Variants in GABRA4 observed in about 807,000 individuals in gnomAD.
GABRA4 encodes gamma-aminobutyric acid type A receptor subunit alpha4.
In GABRA4, 12 loss-of-function variants were observed where a neutral mutation model predicts 49.7. The ratio of observed to expected loss-of-function variants is 0.24; its 90% CI spans 0.15 to 0.39. GABRA4 has a LOEUF of 0.39. GABRA4 is among the 10% of genes least tolerant of loss of function. GABRA4 has a pLI of 1.00. For missense variants in GABRA4, 506 were observed against 686.0 expected, an observed-to-expected ratio of 0.74 and a Z score of 2.93; for synonymous variants, 288 against 240.2, an observed-to-expected ratio of 1.20 and a Z score of -1.84.
chr4:46,941,878 G>T (rs899470768), intron 8 of GABRA4, among the ~76,000 whole-genome samples: 1 of 152,082 alleles, frequency 6.6e-6, no homozygotes, highest in Admixed American at 6.6e-5. Flanking sequence ...TCCTCTGGGG[G>T]TGGTGACTGC....
intron 8 of GABRA4, among the ~76,000 whole-genome samples, chr4:46,958,856 A>T (rs567138385): frequency 1.7e-4 from 26 of 152,000 alleles, no homozygotes; most frequent in Non-Finnish European, 1.8e-4. Context: ...CCAGTGAGTT[A>T]CCCAAAGGTC....
intron 7 of GABRA4, among the ~76,000 whole-genome samples, chr4:46,970,503 A>G (rs999844410): frequency 1.3e-5 from 2 of 151,592 alleles, no homozygotes; most frequent in African/African-American, 4.8e-5. Context: ...TATATTGTTC[A>G]GAATACTATA....
intron 4 of GABRA4, 131 bp downstream of exon 4, chr4:46,977,279 A>AGGAAGGGAGGGT: frequency 2.5e-6 from 1 of 399,442 alleles, no homozygotes; most frequent in African/African-American, 2.6e-5. Flanking sequence ...GAAGGGAAGG[A>AGGAAGGGAGGGT]GGAAGGGAGG....
At chr4:46,933,527 G>A (rs1193876563) in intron 8 of GABRA4, among the ~76,000 whole-genome samples, 1 of 152,150 alleles carries the variant, frequency 6.6e-6, no homozygotes, top group African/African-American at 2.4e-5. Context: ...TCTCTGCCAA[G>A]CAGTTAAATG....
chr4:46,973,043 A>G (rs1410774654), intron 6 of GABRA4, among the ~76,000 whole-genome samples: 1 of 151,790 alleles, frequency 6.6e-6, no homozygotes, highest in Non-Finnish European at 1.5e-5. Context: ...TAGCTGTATG[A>G]CTTAGGCAAA....
chr4:46,987,507 G>A (rs543182888), intron 2 of GABRA4, among the ~76,000 whole-genome samples: 5 of 152,070 alleles, frequency 3.3e-5, no homozygotes, highest in Non-Finnish European at 7.4e-5. Context: ...GCAGGAAATC[G>A]TGCAGTCCTC....
chr4:46,972,328 T>C (rs1233767457), intron 6 of GABRA4, among the ~76,000 whole-genome samples: 4 of 151,696 alleles, frequency 2.6e-5, no homozygotes, highest in Non-Finnish European at 4.4e-5. Flanking sequence ...GCAGTTTTAA[T>C]AGAAGAGACA....
In GABRA4 at chr4:46,923,357, A is replaced by G. The variant is rs980458269; in HGVS notation, c.*4868T>C. 6.6e-6 allele frequency: 1 copy of G among 152,054 alleles called. No homozygotes were observed. The highest frequency in any genetic ancestry group is 2.4e-5 in the African/African-American group (1 of 41,414). The allele number at this position is 152,054 out of a possible 1,614,324, so 9.4% of individuals were successfully genotyped here. ...TTATCTTGAGATAAAAGTCAATTTA[A>G]TTTTTTATTATTTAATGGCAGCATG... is the stretch of plus-strand genomic sequence containing the variant. On this transcript the variant is annotated 3_prime_UTR_variant, in exon 9 of 9. Coordinates refer to ENST00000264318, the MANE Select transcript of GABRA4 (RefSeq NM_000809.4).
chr4:46,955,965 G>T (rs1722346134), intron 8 of GABRA4, among the ~76,000 whole-genome samples: 1 of 152,082 alleles, frequency 6.6e-6, no homozygotes, highest in African/African-American at 2.4e-5. Flanking sequence ...GTAAACACTT[G>T]CTATCTGAGT....
At chr4:46,961,532 A>T (rs1722573422) in intron 8 of GABRA4, among the ~76,000 whole-genome samples, 1 of 151,898 alleles carries the variant, frequency 6.6e-6, no homozygotes, top group South Asian at 2.1e-4. Context: ...CTATCGGCTC[A>T]CAGATTCTAA....
chr4:46,953,140 C>T (rs1722230406), intron 8 of GABRA4, among the ~76,000 whole-genome samples: 1 of 152,062 alleles, frequency 6.6e-6, no homozygotes, highest in Non-Finnish European at 1.5e-5. Context: ...TTAAGCTAGA[C>T]CATAAACATT....
intron 8 of GABRA4, among the ~76,000 whole-genome samples, chr4:46,932,310 T>C (rs562195764): frequency 6.6e-6 from 1 of 152,232 alleles, no homozygotes; most frequent in African/African-American, 2.4e-5. Flanking sequence ...TAGAGAAAAG[T>C]AAGAACAGAA....
At chr4:46,931,557 A>AT (rs1216959363) in intron 8 of GABRA4, among the ~76,000 whole-genome samples, 3 of 152,194 alleles carry the variant, frequency 2.0e-5, no homozygotes, top group South Asian at 4.2e-4. Flanking sequence ...CTGCCTCCAT[A>AT]TTCATGCTCC....
In GABRA4 at chr4:46,928,443, G is replaced by T; in HGVS notation, c.1447C>A (p.Leu483Met). The T allele has an allele frequency of 1.2e-6, 2 of 1,613,660 alleles. No individual in the cohort carries two copies. The highest frequency in any genetic ancestry group is 1.7e-6 in the Non-Finnish European group (2 of 1,179,706). Reference sequence around the variant, plus strand: ...TTAACTGTGGTCTTTATCCTCTGCAGTCTTGATCCAAACACGTGACGAGTA... The same window carrying T: ...TTAACTGTGGTCTTTATCCTCTGCATTCTTGATCCAAACACGTGACGAGTA... ...ASTRHVFGSR[L>M]QRIKTTVNTI... Residue 483 changes from leucine (L) to methionine (M), a missense_variant, in exon 9 of 9, where the codon CTG becomes ATG. Coordinates refer to ENST00000264318, the MANE Select transcript of GABRA4 (RefSeq NM_000809.4).
intron 7 of GABRA4, among the ~76,000 whole-genome samples, chr4:46,968,647 T>A (rs1276914149): frequency 6.6e-6 from 1 of 151,640 alleles, no homozygotes; most frequent in Non-Finnish European, 1.5e-5. Flanking sequence ...GGCAAATCTG[T>A]TTATCATTGG....
chr4:46,942,571 G>A (rs936728976), intron 8 of GABRA4, among the ~76,000 whole-genome samples: 6 of 150,852 alleles, frequency 4.0e-5, no homozygotes, highest in Admixed American at 1.3e-4. Context: ...TTTGCTGTGA[G>A]CTGAGATTGC....
chr4:46,963,472 T>G (rs933275648), intron 8 of GABRA4, among the ~76,000 whole-genome samples: 4 of 151,604 alleles, frequency 2.6e-5, no homozygotes, highest in Admixed American at 1.3e-4. Flanking sequence ...TTATCAGGGG[T>G]TTCTGCTTTT....
In GABRA4 at chr4:46,977,051, T is replaced by C. The variant is rs766354595; in HGVS notation, c.577+10A>G. The C allele has an allele frequency of 1.3e-6, 2 of 1,566,588 alleles. No individual in the cohort carries two copies. Among genetic ancestry groups the C allele is most frequent in the Non-Finnish European group, 8.8e-7 (1 of 1,140,480 alleles). On this transcript the variant is annotated intron_variant, in intron 5 of 8. Transcript: ENST00000264318. ...TCATAAATTCTAGCAAAATTTTTATTATAACTTACAACTCCCGAATTTCAA... is the reference window on the plus strand; with the variant it reads ...TCATAAATTCTAGCAAAATTTTTATCATAACTTACAACTCCCGAATTTCAA...
In GABRA4 at chr4:46,920,424, A is replaced by G. The variant is rs1720979102; in HGVS notation, c.*7801T>C. ...GAAAATATAAAATATGAGACATATGAGAAAATATGAAATATGAGACATGAG... is the reference window on the plus strand; with the variant it reads ...GAAAATATAAAATATGAGACATATGGGAAAATATGAAATATGAGACATGAG... On this transcript the variant is annotated 3_prime_UTR_variant, in exon 9 of 9. Transcript: ENST00000264318. 6.6e-6 allele frequency: 1 copy of G among 151,748 alleles called. No homozygotes were observed. Among genetic ancestry groups the G allele is most frequent in the Non-Finnish European group, 1.5e-5 (1 of 67,694 alleles). The allele number at this position is 151,748 out of a possible 1,614,324, so 9.4% of individuals were successfully genotyped here. A position where few individuals can be genotyped will look rare whatever the true frequency, so the allele number is the denominator to read the frequency against.
Sources: gnomAD v4.1 joint callset for allele counts (sites outside exome capture counted in the v4.1 genomes callset) on GRCh38, gnomAD v4.1.1 for gene constraint, MANE v1.5 for transcripts, NCBI Gene and HGNC (gene_info 2026-07-23, HGNC 2026-07-21) for gene names.